Variants in ARHGEF10 observed in about 807,000 individuals in gnomAD.
ARHGEF10 encodes Rho guanine nucleotide exchange factor 10.
A neutral mutation model predicts 147.4 loss-of-function variants in ARHGEF10; 140 were observed. The ratio of observed to expected loss-of-function variants is 0.95; its 90% CI spans 0.83 to 1.09. ARHGEF10 has a LOEUF of 1.09. ARHGEF10 is among the 50% of genes least tolerant of loss of function. The probability of loss-of-function intolerance (pLI) is 0.00; values close to 1 mark genes in which losing one functional copy is unlikely to be tolerated. For synonymous variants in ARHGEF10, 902 were observed against 695.8 expected, an observed-to-expected ratio of 1.30 and a Z score of -4.67; for missense variants, 2,222 against 1,752.7, an observed-to-expected ratio of 1.27 and a Z score of -4.78.
At chr8:1,903,911 TAGTG>T (rs1381590727) in intron 16 of ARHGEF10, 1 of 213,092 alleles carries the variant, frequency 4.7e-6, no homozygotes, top group Admixed American at 5.3e-5. Context: ...CTGGGCATGA[TAGTG>T]AGAACCCATA....
chr8:1,887,390 G>T (rs971603325), intron 11 of ARHGEF10, among the ~76,000 whole-genome samples: 3 of 152,230 alleles, frequency 2.0e-5, no homozygotes, highest in Admixed American at 6.5e-5. Flanking sequence ...ATGCGGGGGT[G>T]AGTGTGAAAG....
At position 1,888,152 on chromosome 8, in the gene ARHGEF10, G is replaced by GGTGAGGGTT. The variant is rs1461778790; in HGVS notation, c.1182+2446_1182+2447insTGAGGGTTG. Among the ~76,000 whole-genome samples, 11 of 80,746 alleles carry GGTGAGGGTT rather than the reference G, an allele frequency of 1.4e-4. 1 individual carries two copies. The highest frequency in any genetic ancestry group is 4.1e-4 in the South Asian group (1 of 2,468). The allele number at this position is 80,746 out of a possible 152,430, so 53.0% of individuals were successfully genotyped here. A position where few individuals can be genotyped will look rare whatever the true frequency, so the allele number is the denominator to read the frequency against. ...GGGTTTGCGAGGAGACACTTAGTGGGGCGAGGGTTGCGAGGAGACAGTGAG... is the reference window on the plus strand; with the variant it reads ...GGGTTTGCGAGGAGACACTTAGTGGGGTGAGGGTTGCGAGGGTTGCGAGGAGACAGTGAG... On this transcript the variant is annotated intron_variant, in intron 11 of 28. Coordinates refer to ENST00000349830, the MANE Select transcript of ARHGEF10 (RefSeq NM_014629.4).
intron 17 of ARHGEF10, among the ~76,000 whole-genome samples, chr8:1,907,832 T>A (rs1313560606): frequency 6.6e-6 from 1 of 152,100 alleles, no homozygotes; most frequent in African/African-American, 2.4e-5. Flanking sequence ...TGCCCGAAGG[T>A]GATGAGATGA....
chr8:1,917,169 G>A (rs1176272446), intron 18 of ARHGEF10, among the ~76,000 whole-genome samples: 2 of 152,228 alleles, frequency 1.3e-5, no homozygotes, highest in African/African-American at 2.4e-5. Flanking sequence ...AGGTCAAAGA[G>A]TAGAACATTT....
At chr8:1,900,662 A>G (rs1810379585) in intron 15 of ARHGEF10, among the ~76,000 whole-genome samples, 1 of 152,200 alleles carries the variant, frequency 6.6e-6, no homozygotes, top group African/African-American at 2.4e-5. Context: ...TTTTGAAAAC[A>G]TACTTCTAAA....
chr8:1,826,085 A>G (rs1390421231), intron 1 of ARHGEF10: 7 of 1,592,302 alleles, frequency 4.4e-6, no homozygotes, highest in Non-Finnish European at 5.9e-6. Flanking sequence ...ATCGGCAGTT[A>G]CGGATGCATA....
chr8:1,882,595 CT>C (rs751841311), intron 9 of ARHGEF10, 39 bp from the exon 10 acceptor site: 34 of 1,513,874 alleles, frequency 2.2e-5, no homozygotes, highest in Non-Finnish European at 3.0e-5. Flanking sequence ...CAGGTGGGTT[CT>C]GCCGCCGTCC....
chr8:1,846,776 C>T (rs569323448), intron 2 of ARHGEF10, among the ~76,000 whole-genome samples: 19 of 152,086 alleles, frequency 1.2e-4, no homozygotes, highest in Non-Finnish European at 2.4e-4. Flanking sequence ...AGGGTTTCAC[C>T]GTGTTGGCCA....
In ARHGEF10 at chr8:1,957,140, C is replaced by G. The variant is rs1439045225; in HGVS notation, c.3912C>G (p.Ser1304Arg). 4 of 1,612,848 alleles carry G rather than the reference C, an allele frequency of 2.5e-6. No individual in the cohort carries two copies. The highest frequency in any genetic ancestry group is 3.4e-6 in the Non-Finnish European group (4 of 1,180,034). The change falls in exon 29 of 29, where the codon AGC (serine) becomes AGG (arginine). Residue 1304 changes from serine to arginine, a missense_variant. Coordinates refer to ENST00000349830, the MANE Select transcript of ARHGEF10 (RefSeq NM_014629.4). ...GCCGGGCCAAGAAAGCCAAGGCCAG[C>G]TCGGCGCTGGTGGTCTGTGGAGGGC... is the stretch of plus-strand genomic sequence containing the variant. ...KARRAKKAKA[S>R]SALVVCGGQG... is the part of the protein sequence containing the mutation.
intron 18 of ARHGEF10, among the ~76,000 whole-genome samples, chr8:1,920,695 T>C (rs1265057051): frequency 6.6e-6 from 1 of 152,222 alleles, no homozygotes; most frequent in Non-Finnish European, 1.5e-5. Flanking sequence ...AGCAAATATG[T>C]GTGTTATGAA....
rs1456002827 is a variant in ARHGEF10, at chr8:1,933,921, TG to T, written c.3202del (p.Val1068TrpfsTer6). The T allele has an allele frequency of 1.2e-6, 2 of 1,614,066 alleles. No individual in the cohort carries two copies. Among genetic ancestry groups the T allele is most frequent in the Non-Finnish European group, 8.5e-7 (1 of 1,180,038 alleles). On this transcript the variant is annotated frameshift_variant, in exon 26 of 29. Coordinates refer to ENST00000349830, the MANE Select transcript of ARHGEF10 (RefSeq NM_014629.4). LOFTEE classifies it high-confidence loss of function. ...CCGGAGGTCAAGTCTTCATCATCAG[TG>T]TGGAGACTCATGCTGTAGAGGTAAG... is the stretch of plus-strand genomic sequence containing the variant. Reference protein sequence around the residue: ...ASGGQVFIISVETHAVEGQLE... With the variant: ...ASGGQVFIISXETHAVEGQLE...
chr8:1,878,912 C>T (rs1201442973), intron 8 of ARHGEF10, among the ~76,000 whole-genome samples: 1 of 152,132 alleles, frequency 6.6e-6, no homozygotes, highest in Non-Finnish European at 1.5e-5. Context: ...CATTTCCAGC[C>T]TCTCCTACAC....
At chr8:1,886,466 G>A (rs1808667018) in intron 11 of ARHGEF10, among the ~76,000 whole-genome samples, 2 of 152,352 alleles carry the variant, frequency 1.3e-5, no homozygotes, top group African/African-American at 2.4e-5. Context: ...GAAATGCTTA[G>A]TGACTGGCCA....
chr8:1,827,997 C>G (rs886397658), intron 1 of ARHGEF10, among the ~76,000 whole-genome samples: 12 of 152,210 alleles, frequency 7.9e-5, no homozygotes, highest in African/African-American at 2.9e-4. Flanking sequence ...AGTTACCAAT[C>G]TGGCCATTCT....
intron 14 of ARHGEF10, among the ~76,000 whole-genome samples, chr8:1,896,990 G>T (rs1382112137): frequency 6.6e-6 from 1 of 152,144 alleles, no homozygotes; most frequent in Non-Finnish European, 1.5e-5. Flanking sequence ...TCAGCAGGCA[G>T]GCAGGGCTTC....
intron 12 of ARHGEF10, 62 bp from the exon 13 acceptor site, chr8:1,894,331 C>A: frequency 6.3e-7 from 1 of 1,590,190 alleles, no homozygotes; most frequent in Non-Finnish European, 8.6e-7. Flanking sequence ...CCCTGGACAA[C>A]AAAACAAGAC....
At chr8:1,895,277 A>T (rs945566275) in intron 13 of ARHGEF10, among the ~76,000 whole-genome samples, 1 of 152,218 alleles carries the variant, frequency 6.6e-6, no homozygotes, top group Admixed American at 6.5e-5. Flanking sequence ...TTCTACCTAG[A>T]TGTAGAGGAT....
Position 1,927,825 on chromosome 8 carries a change from C to T in ARHGEF10, c.2698-602C>T, listed in dbSNP as rs556573524. ...ATGTGGTGGCACGAGCCTATAGTCC[C>T]AGTTTCTCAGGAGGCTGAGGTGGCA... On this transcript the variant is annotated intron_variant, in intron 23 of 28. Coordinates refer to ENST00000349830, the MANE Select transcript of ARHGEF10 (RefSeq NM_014629.4). Among the ~76,000 whole-genome samples the T allele has an allele frequency of 2.6e-5, 4 of 152,254 alleles. No homozygotes were observed. In the South Asian group the frequency reaches 6.2e-4, roughly 24 times the overall value.
chr8:1,871,915 T>C (rs549717171), intron 7 of ARHGEF10, among the ~76,000 whole-genome samples: 37 of 151,548 alleles, frequency 2.4e-4, no homozygotes, highest in South Asian at 1.7e-3. Flanking sequence ...AGGAAAAAAA[T>C]AATGGGCAAG....
Sources: gnomAD v4.1 joint callset for allele counts (sites outside exome capture counted in the v4.1 genomes callset) on GRCh38, gnomAD v4.1.1 for gene constraint, MANE v1.5 for transcripts, NCBI Gene and HGNC (gene_info 2026-07-23, HGNC 2026-07-21) for gene names.